DGKD: variants seen among roughly 807,000 people sequenced by gnomAD.
The protein encoded by DGKD is diacylglycerol kinase delta.
DGKD carries 68 observed loss-of-function variants against 154.4 expected under a neutral mutation model. That is an observed-to-expected ratio of 0.44 (90% confidence interval 0.36 to 0.54). DGKD has a LOEUF of 0.54. DGKD is among the 20% of genes least tolerant of loss of function. DGKD has a pLI of 0.00. For missense variants in DGKD, 1,343 were observed against 1,593.6 expected (o/e 0.84, Z 2.68); for synonymous variants, 693 against 638.0 (o/e 1.09, Z -1.30).
chr2:233,429,197 C>T, intron 3 of DGKD: 1 of 985,398 alleles, frequency 1.0e-6, no homozygotes, highest in Non-Finnish European at 1.2e-6. Context: ...CTCGTAAAGG[C>T]TGCCGTGGGA....
At chr2:233,442,082 C>A in intron 10 of DGKD, 87 bp downstream of exon 10, 2 of 1,175,192 alleles carry the variant, frequency 1.7e-6, no homozygotes, top group Non-Finnish European at 2.5e-6. Flanking sequence ...CTGTTCATCT[C>A]GGAGCACCTG....
intron 1 of DGKD, among the ~76,000 whole-genome samples, chr2:233,366,269 C>A (rs1441283297): frequency 6.6e-6 from 1 of 152,206 alleles, no homozygotes; most frequent in African/African-American, 2.4e-5. Flanking sequence ...GAAAAGATGG[C>A]TCTAGCTGCG....
intron 1 of DGKD, among the ~76,000 whole-genome samples, chr2:233,364,262 A>G (rs1036398575): frequency 6.6e-6 from 1 of 152,260 alleles, no homozygotes; most frequent in Non-Finnish European, 1.5e-5. Flanking sequence ...ATACTTTCAT[A>G]TAAACAAAAA....
At chr2:233,403,520 C>T (rs933291488) in intron 3 of DGKD, among the ~76,000 whole-genome samples, 5 of 151,632 alleles carry the variant, frequency 3.3e-5, no homozygotes, top group African/African-American at 4.8e-5. Context: ...AAGATCGCAC[C>T]GTTGCACTCC....
In DGKD at chr2:233,458,637, A is replaced by T. The variant is rs1336451827; in HGVS notation, c.2694+240A>T. Among the ~76,000 whole-genome samples, 4 of 147,100 alleles carry T rather than the reference A, an allele frequency of 2.7e-5. No individual in the cohort carries two copies. Among genetic ancestry groups the T allele is most frequent in the Admixed American group, 6.7e-5 (1 of 14,862 alleles). On this transcript the variant is annotated intron_variant, in intron 22 of 29. Coordinates refer to ENST00000264057, the MANE Select transcript of DGKD (RefSeq NM_152879.3). The surrounding 1 kb of genome is among the most constrained non-coding windows in gnomAD (Gnocchi z 6.6). ...ATTTTTTTTTTTTTTTTTGAGACAG[A>T]GTCTTGCTCTGTTGCCCAGGCTGGA...
intron 1 of DGKD, among the ~76,000 whole-genome samples, chr2:233,384,015 A>T (rs1382095236): frequency 6.6e-6 from 1 of 152,076 alleles, no homozygotes; most frequent in Non-Finnish European, 1.5e-5. Context: ...CTATATGGTG[A>T]TAATATACAT....
At chr2:233,376,851 G>T (rs1444349396) in intron 1 of DGKD, among the ~76,000 whole-genome samples, 1 of 152,080 alleles carries the variant, frequency 6.6e-6, no homozygotes, top group Non-Finnish European at 1.5e-5. Context: ...GGGTGCTGCT[G>T]CGGGTGCTGC....
At chr2:233,464,483 T>G (rs2063768278) in intron 27 of DGKD, among the ~76,000 whole-genome samples, 200 bp downstream of exon 27, 2 of 152,240 alleles carry the variant, frequency 1.3e-5, no homozygotes, top group Non-Finnish European at 2.9e-5. Context: ...AGTTCTGGGC[T>G]GGGATTAAGA....
At chr2:233,433,736 G>A (rs917250578) in intron 3 of DGKD, among the ~76,000 whole-genome samples, 5 of 152,044 alleles carry the variant, frequency 3.3e-5, no homozygotes, top group African/African-American at 4.8e-5. Context: ...TAAAAAGAAC[G>A]TTGATGTATT....
rs899797129 is a variant in DGKD at position 233,438,796 on chromosome 2, A to G, written c.1085+417A>G. 7.8e-6 allele frequency among the ~76,000 whole-genome samples: 1 copy of G among 128,930 alleles called. No homozygotes were observed. Among genetic ancestry groups the G allele is most frequent in the South Asian group, 2.6e-4 (1 of 3,888 alleles). 84.6% of individuals were successfully genotyped at this position (128,930 alleles called of 152,430 possible). A position where few individuals can be genotyped will look rare whatever the true frequency, so the allele number is the denominator to read the frequency against. On this transcript the variant is annotated intron_variant, in intron 9 of 29. Coordinates refer to ENST00000264057, the MANE Select transcript of DGKD (RefSeq NM_152879.3). The surrounding 1 kb of genome is among the most constrained non-coding windows in gnomAD (Gnocchi z 4.1). The stretch of plus-strand genomic sequence containing the variant: ...TATCTATCTATCTATCTATCTATCT[A>G]TCTATCTATCTATCTATCTGTGGGT...
At position 233,445,275 on chromosome 2, in the gene DGKD, G is replaced by A. The variant is rs574276797; in HGVS notation, c.1195-348G>A. Among the ~76,000 whole-genome samples, 17 of 152,222 alleles carry A rather than the reference G, an allele frequency of 1.1e-4. No homozygotes were observed. Among genetic ancestry groups the A allele is most frequent in the Non-Finnish European group, 2.1e-4 (14 of 68,006 alleles). On this transcript the variant is annotated intron_variant, in intron 10 of 29. Transcript: ENST00000264057. This position sits in a 1 kb window ranked among gnomAD's most constrained non-coding sequence, Gnocchi z 5.5. ...AGTGATTCCTTGGGGCTGTGGTCAC[G>A]GTGGTGAAAATGGGAAGCAGAGGGA...
At chr2:233,462,796 A>G in intron 26 of DGKD, 61 bp downstream of exon 26, 2 of 1,456,842 alleles carry the variant, frequency 1.4e-6, no homozygotes, top group Non-Finnish European at 1.9e-6. Flanking sequence ...TGCTGTCGCC[A>G]GGTTGCTGGG....
chr2:233,442,546 C>A (rs111359594), intron 10 of DGKD: 2 of 225,772 alleles, frequency 8.9e-6, no homozygotes, highest in Non-Finnish European at 1.8e-5. Flanking sequence ...ACAGTACATA[C>A]AATGCACAGT....
intron 1 of DGKD, among the ~76,000 whole-genome samples, chr2:233,356,677 T>A (rs1305213805): frequency 1.3e-5 from 2 of 152,224 alleles, no homozygotes; most frequent in Admixed American, 6.5e-5. Context: ...ATGGGTAGAC[T>A]GTTAAAAATA....
intron 3 of DGKD, among the ~76,000 whole-genome samples, chr2:233,425,820 A>G (rs2062278644): frequency 6.6e-6 from 1 of 152,232 alleles, no homozygotes; most frequent in Non-Finnish European, 1.5e-5. Flanking sequence ...GTTTGGTTTC[A>G]AATATTTTGT....
At chr2:233,447,179 C>T (rs1056778338) in intron 12 of DGKD, among the ~76,000 whole-genome samples, 2 of 109,668 alleles carry the variant, frequency 1.8e-5, no homozygotes, top group Admixed American at 8.5e-5. Context: ...GGCTCTGCCG[C>T]GGCTCTCCCC....
rs145698496 is a variant in DGKD, at chr2:233,415,897, T to G, written c.349-18483T>G. On this transcript the variant is annotated intron_variant, in intron 3 of 29. Coordinates refer to ENST00000264057, the MANE Select transcript of DGKD (RefSeq NM_152879.3). Reference sequence around the variant, plus strand: ...TGCTTTGGCCTCCCAAAGCACTGATTGGCAGGCATGAGCTGCTGCGCCCAA... The same window carrying G: ...TGCTTTGGCCTCCCAAAGCACTGATGGGCAGGCATGAGCTGCTGCGCCCAA... Among the ~76,000 whole-genome samples, 1,093 of 152,260 alleles carry G rather than the reference T, an allele frequency of 7.2e-3. 9 individuals carry two copies. Among genetic ancestry groups the G allele is most frequent in the African/African-American group, 0.025 (1,037 of 41,540 alleles).
Position 233,457,390 on chromosome 2 carries a change from G to T in DGKD, c.2580+62G>T. 8.0e-7 allele frequency: 1 copy of T among 1,249,330 alleles called. No homozygotes were observed. The highest frequency in any genetic ancestry group is 1.2e-5 in the South Asian group (1 of 83,284). 77.4% of individuals were successfully genotyped at this position (1,249,330 alleles called of 1,614,324 possible). A position where few individuals can be genotyped will look rare whatever the true frequency, so the allele number is the denominator to read the frequency against. The stretch of plus-strand genomic sequence containing the variant: ...GTGGGGAAGAGCTGTCTGAGAGCAG[G>T]GGGGTGTTCTGCTGTGGCTGGGGTG... On this transcript the variant is annotated intron_variant, in intron 21 of 29. Coordinates refer to ENST00000264057, the MANE Select transcript of DGKD (RefSeq NM_152879.3). The surrounding 1 kb of genome is among the most constrained non-coding windows in gnomAD (Gnocchi z 5.5).
chr2:233,381,381 C>A (rs929115293), intron 1 of DGKD, among the ~76,000 whole-genome samples: 2 of 152,198 alleles, frequency 1.3e-5, no homozygotes, highest in African/African-American at 4.8e-5. Flanking sequence ...TGATTTAAAT[C>A]CGTTATCAGC....
Sources: allele counts gnomAD v4.1 joint callset (sites outside exome capture counted in the v4.1 genomes callset), GRCh38; gene constraint gnomAD v4.1.1; non-coding constraint Gnocchi (gnomAD v3.1); transcripts MANE v1.5; gene names NCBI Gene and HGNC (gene_info 2026-07-23, HGNC 2026-07-21).